COL5A1: variants seen among roughly 807,000 people sequenced by gnomAD.
The protein encoded by COL5A1 is collagen type V alpha 1 chain, also known as collagen alpha-1(V) chain.
A neutral mutation model predicts 263.7 loss-of-function variants in COL5A1; 16 were observed. The observed-to-expected ratio is 0.06, with a 90% CI of 0.04 to 0.09. COL5A1 has a LOEUF of 0.09. COL5A1 is among the 10% of genes least tolerant of loss of function. The probability of loss-of-function intolerance (pLI) is 1.00; values close to 1 mark genes in which losing one functional copy is unlikely to be tolerated. For synonymous variants in COL5A1, 1,012 were observed against 1,004.5 expected (o/e 1.01, Z -0.14); for missense variants, 2,036 against 2,540.5 (o/e 0.80, Z 4.27).
chr9:134,835,193 G>T lies in COL5A1; in HGVS notation c.5359G>T (p.Asp1787Tyr). 2.5e-6 allele frequency: 4 copies of T among 1,613,522 alleles called. No homozygotes were observed. The highest frequency in any genetic ancestry group is 2.2e-5 in the East Asian group (1 of 44,876). Residue 1787 changes from aspartate to tyrosine, a missense_variant, in exon 65 of 66, where the codon GAC becomes TAC. Physicochemically the swap from Asp to Tyr is radical, Grantham distance 160 (BLOSUM62 -3). This residue lies in a region of COL5A1 where 358 missense variants were observed against 384.6 expected (regional missense o/e 0.93). Coordinates refer to ENST00000371817, the MANE Select transcript of COL5A1 (RefSeq NM_000093.5). ...CAACCCCTACATCCGCGCCCTGGTG[G>T]ACGGCTGTGCTGTGAGTATCCCGCG... ...DNNPYIRALV[D>Y]GCATKKGYQK...
At position 134,670,286 on chromosome 9, in the gene COL5A1, G is replaced by A. The variant is rs533394235; in HGVS notation, c.110-20626G>A. Among the ~76,000 whole-genome samples, 61 of 152,252 alleles carry A rather than the reference G, an allele frequency of 4.0e-4. 1 individual carries two copies. The highest frequency in any genetic ancestry group is 3.1e-3 in the Admixed American group (47 of 15,298). On this transcript the variant is annotated intron_variant, in intron 1 of 65. Coordinates refer to ENST00000371817, the MANE Select transcript of COL5A1 (RefSeq NM_000093.5). ...GTCTCTCTGATTATTTCCTTAGGGC[G>A]GATTCTTAGACATTGACTCACTGCA...
chr9:134,793,101 G>C (rs1837776786), intron 32 of COL5A1, among the ~76,000 whole-genome samples: 1 of 152,110 alleles, frequency 6.6e-6, no homozygotes, highest in Non-Finnish European at 1.5e-5. Flanking sequence ...AAAGGAAGAG[G>C]AGTGGGTGTG....
chr9:134,662,142 C>CAAAAAA (rs34491867), intron 1 of COL5A1, among the ~76,000 whole-genome samples: 5 of 121,242 alleles, frequency 4.1e-5, no homozygotes, highest in Non-Finnish European at 1.7e-5. Flanking sequence ...ATATCTTGGC[C>CAAAAAA]AAAAAAAAAA....
intron 4 of COL5A1, among the ~76,000 whole-genome samples, chr9:134,715,854 A>G (rs1221643402): frequency 5.9e-5 from 9 of 152,226 alleles, no homozygotes; most frequent in African/African-American, 1.2e-4. Context: ...TTCTTTCTAC[A>G]TAGACACAGC....
At chr9:134,744,584 C>T (rs1403883561) in intron 11 of COL5A1, among the ~76,000 whole-genome samples, 1 of 151,884 alleles carries the variant, frequency 6.6e-6, no homozygotes, top group East Asian at 1.9e-4. Context: ...TGCACACACA[C>T]TTACACATGC....
At position 134,821,123 on chromosome 9, in the gene COL5A1, C is replaced by T. The variant is rs140679518; in HGVS notation, c.4554+900C>T. Among the ~76,000 whole-genome samples the T allele has an allele frequency of 4.9e-3, 747 of 152,236 alleles. 3 individuals carry two copies. Among genetic ancestry groups the T allele is most frequent in the Middle Eastern group, 0.02 (6 of 294 alleles). On this transcript the variant is annotated intron_variant, in intron 58 of 65. Coordinates refer to ENST00000371817, the MANE Select transcript of COL5A1 (RefSeq NM_000093.5). The surrounding 1 kb of genome is among the most constrained non-coding windows in gnomAD (Gnocchi z 4.2). ...TGACTGTTTTCCTCTGCCGGTATCC[C>T]CAGGCCACAGCAGGGTCGTCGGAGG...
intron 1 of COL5A1, among the ~76,000 whole-genome samples, chr9:134,668,373 T>A (rs184495076): frequency 6.6e-6 from 1 of 152,314 alleles, no homozygotes; most frequent in Admixed American, 6.5e-5. Flanking sequence ...GGATTCCAGG[T>A]CTGAGGAACA....
Position 134,698,289 on chromosome 9 carries a change from G to T in COL5A1, c.278-1620G>T, listed in dbSNP as rs74996523. 7.7e-3 allele frequency among the ~76,000 whole-genome samples: 1,179 copies of T among 152,356 alleles called. 21 individuals carry two copies. Among genetic ancestry groups the T allele is most frequent in the African/African-American group, 0.027 (1,102 of 41,580 alleles). On this transcript the variant is annotated intron_variant, in intron 2 of 65. Coordinates refer to ENST00000371817, the MANE Select transcript of COL5A1 (RefSeq NM_000093.5). ...GGCCCAGTCTCCTGTGGGAACAGCT[G>T]AGTCATGGCTTGGAGCTGGTCAACA...
chr9:134,697,701 A>G (rs2132564827), intron 2 of COL5A1, among the ~76,000 whole-genome samples: 1 of 152,110 alleles, frequency 6.6e-6, no homozygotes, highest in South Asian at 2.1e-4. Flanking sequence ...GCCTTGCCAT[A>G]TGGGGTCCCT....
In COL5A1 at chr9:134,811,517, G is replaced by A. The variant is rs1838524385; in HGVS notation, c.3608G>A (p.Arg1203Gln). ...PSGADGEPGP[R>Q]GQQGLFGQKG... ...GGAGCTGACGGCGAGCCGGGGCCTC[G>A]GGGCCAGCAGGGCCTTTTCGGGCAG... Residue 1203 changes from arginine (R) to glutamine (Q), a missense_variant, in exon 46 of 66, where the codon CGG (arginine) becomes CAG (glutamine). This residue lies in a region of COL5A1 where 1,078 missense variants were observed against 1,521.4 expected (regional missense o/e 0.71). Coordinates refer to ENST00000371817, the MANE Select transcript of COL5A1 (RefSeq NM_000093.5). The A allele has an allele frequency of 1.2e-6, 2 of 1,607,834 alleles. No individual in the cohort carries two copies. Among genetic ancestry groups the A allele is most frequent in the South Asian group, 1.1e-5 (1 of 90,576 alleles).
chr9:134,721,340 A>G (rs776714898), intron 4 of COL5A1, among the ~76,000 whole-genome samples: 2 of 148,408 alleles, frequency 1.3e-5, no homozygotes, highest in Admixed American at 1.3e-4. Context: ...ACCTCCCCAT[A>G]GTACCCATAC....
At position 134,789,943 on chromosome 9, in the gene COL5A1, CAG is replaced by C. The variant is rs1354903835; in HGVS notation, c.2700+739_2700+740del. 6.6e-6 allele frequency among the ~76,000 whole-genome samples: 1 copy of C among 152,208 alleles called. No homozygotes were observed. The highest frequency in any genetic ancestry group is 2.4e-5 in the African/African-American group (1 of 41,442). On this transcript the variant is annotated intron_variant, in intron 32 of 65. Coordinates refer to ENST00000371817, the MANE Select transcript of COL5A1 (RefSeq NM_000093.5). The surrounding 1 kb of genome is among the most constrained non-coding windows in gnomAD (Gnocchi z 4.8). ...TTGTCCACGGGGCATATGGCGGGGA[CAG>C]AGAAAGGCCAGTCTGTGGTGTACAT...
rs766839110 is a variant in COL5A1, at chr9:134,772,796, C to A, written c.2293C>A (p.Pro765Thr). Reference sequence around the variant, plus strand: ...GCTTCTTCTTTTGTGACAGGGACACCCTGGCAAAGAAGGCCCTCCAGGAGA... The same window carrying A: ...GCTTCTTCTTTTGTGACAGGGACACACTGGCAAAGAAGGCCCTCCAGGAGA... The part of the protein sequence containing the change: ...MPGADGPPGH[P>T]GKEGPPGEKG... The change falls in exon 26 of 66, where the codon CCT (proline) becomes ACT (threonine). Residue 765 changes from proline to threonine, a missense_variant. Around this residue, in one of 3 missense-constraint regions of COL5A1, gnomAD observed 1,078 missense variants for 1,521.4 expected, o/e 0.71. Coordinates refer to ENST00000371817, the MANE Select transcript of COL5A1 (RefSeq NM_000093.5). 1.2e-6 allele frequency: 2 copies of A among 1,613,878 alleles called. No homozygotes were observed. The highest frequency in any genetic ancestry group is 2.7e-5 in the African/African-American group (2 of 74,906).
intron 26 of COL5A1, 144 bp from the exon 27 acceptor site, chr9:134,774,715 C>T (rs1048484426): frequency 3.0e-5 from 24 of 806,890 alleles, no homozygotes; most frequent in South Asian, 1.6e-4. Flanking sequence ...GAGTCTCCCA[C>T]GGGGGGCCTC....
chr9:134,701,282 C>T lies in COL5A1; in HGVS notation c.603C>T (p.Ile201=), dbSNP rs747624923. The change falls in exon 4 of 66, where the codon ATC becomes ATT. Residue 201 remains isoleucine (I), a synonymous_variant. Coordinates refer to ENST00000371817, the MANE Select transcript of COL5A1 (RefSeq NM_000093.5). ...LDRSDHPMID[I]NGIIVFGTRI... The stretch of plus-strand genomic sequence containing the variant: ...GCAGCGACCACCCCATGATCGACAT[C>T]AATGGCATCATCGTGTTTGGCACCC... 5 of 1,613,850 alleles carry T rather than the reference C, an allele frequency of 3.1e-6. No individual in the cohort carries two copies. The African/African-American group carries it at 6.7e-5, about 22-fold the overall frequency.
chr9:134,780,188 G>T, intron 28 of COL5A1, 42 bp downstream of exon 28: 2 of 1,601,608 alleles, frequency 1.2e-6, no homozygotes, highest in Non-Finnish European at 1.7e-6. Flanking sequence ...TGCTTAGTCC[G>T]GAGCCGAATT....
intron 1 of COL5A1, among the ~76,000 whole-genome samples, chr9:134,645,979 C>T (rs1831463290): frequency 6.6e-6 from 1 of 151,390 alleles, no homozygotes; most frequent in African/African-American, 2.4e-5. Context: ...TCCCTCTCTT[C>T]CTCCCTCCCT....
At chr9:134,820,711 C>T (rs571779436) in intron 58 of COL5A1, among the ~76,000 whole-genome samples, 1 of 152,292 alleles carries the variant, frequency 6.6e-6, no homozygotes, top group African/African-American at 2.4e-5. Flanking sequence ...AAGGAAACGC[C>T]ATGCAGAGAG....
At chr9:134,644,584 AGGCGC>A (rs1334477570) in intron 1 of COL5A1, among the ~76,000 whole-genome samples, 1 of 74,314 alleles carries the variant, frequency 1.3e-5, no homozygotes, top group Non-Finnish European at 2.6e-5. Context: ...CTGGAGAGGC[AGGCGC>A]GGGGGGGAGC....
Sources: gnomAD v4.1 joint callset for allele counts (sites outside exome capture counted in the v4.1 genomes callset) on GRCh38, gnomAD v4.1.1 for gene constraint, gnomAD v4.1.1 regional missense constraint, Gnocchi (gnomAD v3.1) non-coding constraint, MANE v1.5 for transcripts, NCBI Gene and HGNC (gene_info 2026-07-23, HGNC 2026-07-21) for gene names.